Variants in FATE1 observed in about 807,000 individuals in gnomAD.
The protein encoded by FATE1 is fetal and adult testis-expressed transcript protein.
In FATE1, 18 loss-of-function variants were observed where a neutral mutation model predicts 16.0. The observed-to-expected ratio is 1.12, with a 90% confidence interval of 0.78 to 1.66. The LOEUF is 1.66. Ranked by LOEUF, FATE1 falls within the 40% of genes most tolerant of loss-of-function variation. The pLI, the probability that FATE1 is intolerant of heterozygous loss-of-function variation, is 0.00. For missense variants in FATE1, 169 were observed against 152.7 expected (o/e 1.11, Z -0.56); for synonymous variants, 76 against 56.9 (o/e 1.34, Z -1.51).
chrX:151,721,755 G>A (rs1247306766), intron 3 of FATE1, 148 bp from the exon 4 acceptor site: 2 of 581,995 alleles, frequency 3.4e-6, no homozygotes, highest in African/African-American at 2.2e-5. Context: ...CAAGGCCCTA[G>A]GCCCTCTTTA....
At position 151,721,984 on chromosome X, in the gene FATE1, G is replaced by C; in HGVS notation, c.420+3G>C. 1 of 1,208,450 alleles carries C rather than the reference G, an allele frequency of 8.3e-7. No homozygotes were observed. ...AGATGGAAGTCATGAGAAGACAGGT[G>C]AGGAGGGACCCAATCGGTGGGTGCA... On this transcript the variant is annotated splice_donor_region_variant and intron_variant, in intron 4 of 4. Transcript: ENST00000370350.
chrX:151,717,470 C>T (rs2015071540), intron 2 of FATE1, 71 bp downstream of exon 2: 1 of 1,096,262 alleles, frequency 9.1e-7, no homozygotes, highest in Non-Finnish European at 1.2e-6. Context: ...GGGCTCTAGC[C>T]TGACCAGGTC....
rs1338908057 is a variant in FATE1, at chrX:151,717,185, T to C, written c.107-87T>C. The C allele has an allele frequency of 9.3e-6, 10 of 1,076,233 alleles. No individual in the cohort carries two copies. The Admixed American group carries it at 1.6e-4, about 17-fold the overall frequency. The allele number at this position is 1,076,233 out of a possible 1,213,427, so 88.7% of individuals were successfully genotyped here. On this transcript the variant is annotated intron_variant, in intron 1 of 4. Coordinates refer to ENST00000370350, the MANE Select transcript of FATE1 (RefSeq NM_033085.3). ...AGTGATTCCCAAGAAAGCTGGAGAC[T>C]CTGTCTTCTTTTTGGTGTGTTTTGT...
chrX:151,716,291 A>T (rs1276310952), intron 1 of FATE1, 66 bp downstream of exon 1: 2 of 932,238 alleles, frequency 2.1e-6, no homozygotes, highest in East Asian at 3.5e-5. Context: ...ATACCTGTGC[A>T]TGTGTGTGTT....
At position 151,716,067 on chromosome X, in the gene FATE1, C is replaced by G; in HGVS notation, c.-53C>G. On this transcript the variant is annotated 5_prime_UTR_variant, in exon 1 of 5. Transcript: ENST00000370350. Reference sequence around the variant, plus strand: ...ATTTTCTGAGTGTGACTCCTCTGTTCCTGGCACCCTGTGCATCCTTAGCCA... The same window carrying G: ...ATTTTCTGAGTGTGACTCCTCTGTTGCTGGCACCCTGTGCATCCTTAGCCA... 3 of 1,050,394 alleles carry G rather than the reference C, an allele frequency of 2.9e-6. No homozygotes were observed. The highest frequency in any genetic ancestry group is 3.9e-6 in the Non-Finnish European group (3 of 774,704). The allele number at this position is 1,050,394 out of a possible 1,213,427, so 86.6% of individuals were successfully genotyped here. A position where few individuals can be genotyped will look rare whatever the true frequency, so the allele number is the denominator to read the frequency against.
intron 3 of FATE1, 47 bp from the exon 4 acceptor site, chrX:151,721,856 C>T: frequency 8.8e-7 from 1 of 1,134,825 alleles, no homozygotes; most frequent in Non-Finnish European, 1.2e-6. Flanking sequence ...GTGCTCCCTG[C>T]CAGGGACCAC....
chrX:151,718,346 T>C (rs752231654), intron 2 of FATE1, among the ~76,000 whole-genome samples: 4 of 112,359 alleles, frequency 3.6e-5, no homozygotes, highest in Non-Finnish European at 5.6e-5. Flanking sequence ...TGAAGGAATG[T>C]TCTAGAACAA....
Position 151,721,989 on chromosome X carries a change from G to A in FATE1, c.420+8G>A. The A allele has an allele frequency of 8.3e-7, 1 of 1,206,987 alleles. No individual in the cohort carries two copies. Among genetic ancestry groups the A allele is most frequent in the Non-Finnish European group, 1.1e-6 (1 of 891,913 alleles). On this transcript the variant is annotated splice_region_variant and intron_variant, in intron 4 of 4. Transcript: ENST00000370350. ...GAAGTCATGAGAAGACAGGTGAGGA[G>A]GGACCCAATCGGTGGGTGCAAGCAG...
chrX:151,716,081 C>G lies in FATE1; in HGVS notation c.-39C>G. On this transcript the variant is annotated 5_prime_UTR_variant, in exon 1 of 5. Coordinates refer to ENST00000370350, the MANE Select transcript of FATE1 (RefSeq NM_033085.3). ...ACTCCTCTGTTCCTGGCACCCTGTG[C>G]ATCCTTAGCCATAGCTTACAAGAGA... 9.1e-7 allele frequency: 1 copy of G among 1,098,950 alleles called. No homozygotes were observed. Among genetic ancestry groups the G allele is most frequent in the African/African-American group, 1.8e-5 (1 of 55,014 alleles). The allele number at this position is 1,098,950 out of a possible 1,213,427, so 90.6% of individuals were successfully genotyped here.
chrX:151,720,880 G>A (rs1481948919), intron 2 of FATE1, among the ~76,000 whole-genome samples: 1 of 112,256 alleles, frequency 8.9e-6, no homozygotes, highest in Non-Finnish European at 1.9e-5. Context: ...GTACATGCTA[G>A]GGAGTTGTTG....
chrX:151,722,540 G>A (rs1372720494), intron 4 of FATE1, 88 bp from the exon 5 acceptor site: 3 of 1,171,333 alleles, frequency 2.6e-6, no homozygotes. Context: ...GCCCCTTCTT[G>A]CTCTAACTTT....
chrX:151,719,194 T>G (rs2015092972), intron 2 of FATE1, among the ~76,000 whole-genome samples: 1 of 112,024 alleles, frequency 8.9e-6, no homozygotes, highest in South Asian at 3.7e-4. Flanking sequence ...TCTAATTTAC[T>G]AATTCTATTT....
Position 151,722,674 on chromosome X carries a change from C to T in FATE1, c.467C>T (p.Ala156Val), listed in dbSNP as rs368107893. The change falls in exon 5 of 5, where the codon GCC becomes GTC. Residue 156 changes from alanine to valine, a missense_variant. Ala to Val is a moderately conservative substitution (Grantham distance 64, BLOSUM62 0). Transcript: ENST00000370350. The part of the protein sequence containing the change: ...RRLRALEEQG[A>V]TWRHRETLII... ...CTGCGCGCCCTGGAGGAACAGGGCG[C>T]CACCTGGCGCCACAGGGAGACCCTG... 2.5e-6 allele frequency: 3 copies of T among 1,211,175 alleles called. No homozygotes were observed. Among genetic ancestry groups the T allele is most frequent in the Non-Finnish European group, 2.2e-6 (2 of 895,242 alleles).
chrX:151,721,518 T>C lies in FATE1; in HGVS notation c.341+17T>C, dbSNP rs1286357547. The C allele has an allele frequency of 8.5e-7, 1 of 1,178,699 alleles. No homozygotes were observed. Among genetic ancestry groups the C allele is most frequent in the East Asian group, 3.0e-5 (1 of 33,714 alleles). On this transcript the variant is annotated intron_variant, in intron 3 of 4. Coordinates refer to ENST00000370350, the MANE Select transcript of FATE1 (RefSeq NM_033085.3). Reference sequence around the variant, plus strand: ...TTATGATCGGTAAGAGCTGAGGGTCTGTGGGCCCTGGCTGCTCAGACAGGG... The same window carrying C: ...TTATGATCGGTAAGAGCTGAGGGTCCGTGGGCCCTGGCTGCTCAGACAGGG...
chrX:151,719,668 T>C (rs184884852), intron 2 of FATE1, among the ~76,000 whole-genome samples: 174 of 112,634 alleles, frequency 1.5e-3, no homozygotes, highest in Non-Finnish European at 2.5e-3. Flanking sequence ...GACCATGAAC[T>C]ACGGTTCATA....
chrX:151,721,766 C>G, intron 3 of FATE1, 137 bp from the exon 4 acceptor site: 4 of 608,156 alleles, frequency 6.6e-6, no homozygotes, highest in South Asian at 5.2e-5. Flanking sequence ...GCCCTCTTTA[C>G]CATGGAAGAG....
intron 2 of FATE1, 140 bp downstream of exon 2, chrX:151,717,539 A>C: frequency 1.4e-6 from 1 of 716,653 alleles, no homozygotes; most frequent in Non-Finnish European, 2.0e-6. Context: ...CAAGCTGGCA[A>C]ATGAGGACAG....
At position 151,722,646 on chromosome X, in the gene FATE1, C is replaced by T. The variant is rs760040397; in HGVS notation, c.439C>T (p.Arg147Cys). The T allele has an allele frequency of 2.5e-6, 3 of 1,212,295 alleles. No homozygotes were observed. Among genetic ancestry groups the T allele is most frequent in the Admixed American group, 4.3e-5 (2 of 46,168 alleles). The change falls in exon 5 of 5, where the codon CGT becomes TGT. Residue 147 changes from arginine (R) to cysteine (C), a missense_variant. Arg to Cys is a radical substitution (Grantham distance 180, BLOSUM62 -3). Coordinates refer to ENST00000370350, the MANE Select transcript of FATE1 (RefSeq NM_033085.3). ...MRRQLYAVNR[R>C]LRALEEQGAT... is the part of the protein sequence containing the mutation. ...TCTGCAGCTGTATGCAGTCAACCGG[C>T]GTCTGCGCGCCCTGGAGGAACAGGG...
chrX:151,717,738 G>A (rs1156706963), intron 2 of FATE1, among the ~76,000 whole-genome samples: 1 of 111,585 alleles, frequency 9.0e-6, no homozygotes, highest in Non-Finnish European at 1.9e-5. Context: ...GTGTGTGCGC[G>A]TGTATACACA....
Sources: gnomAD v4.1 joint callset for allele counts (sites outside exome capture counted in the v4.1 genomes callset) on GRCh38, gnomAD v4.1.1 for gene constraint, MANE v1.5 for transcripts, NCBI Gene and HGNC (gene_info 2026-07-23, HGNC 2026-07-21) for gene names.